L3MBTL4: variants seen among roughly 807,000 people sequenced by gnomAD.
L3MBTL4 encodes the protein L3MBTL histone methyl-lysine binding protein 4.
A neutral mutation model predicts 84.5 loss-of-function variants in L3MBTL4; 70 were observed. That is an observed-to-expected ratio of 0.83 (90% CI 0.68 to 1.01). The LOEUF (loss-of-function observed/expected upper bound fraction) is 1.01. Ranked by LOEUF, L3MBTL4 falls within the 50% of genes least tolerant of loss-of-function variation. L3MBTL4 has a pLI of 0.00. For missense variants in L3MBTL4, 715 were observed against 754.8 expected (o/e 0.95, Z 0.62); for synonymous variants, 274 against 259.8 (o/e 1.05, Z -0.52).
At chr18:6,035,619 C>G (rs2056092877) in intron 16 of L3MBTL4, among the ~76,000 whole-genome samples, 1 of 152,116 alleles carries the variant, frequency 6.6e-6, no homozygotes, top group Non-Finnish European at 1.5e-5. Flanking sequence ...TTAGGATTGA[C>G]TTGGTGATGC....
intron 4 of L3MBTL4, among the ~76,000 whole-genome samples, chr18:6,280,733 C>T (rs2049284988): frequency 6.6e-6 from 1 of 152,110 alleles, no homozygotes; most frequent in Non-Finnish European, 1.5e-5. Flanking sequence ...AGTGTAATCA[C>T]AGGAGTCCTC....
intron 17 of L3MBTL4, among the ~76,000 whole-genome samples, chr18:5,967,102 G>A (rs547544752): frequency 2.6e-5 from 4 of 152,106 alleles, no homozygotes; most frequent in Admixed American, 6.5e-5. Flanking sequence ...GTGACTTTCC[G>A]CATAAGAACC....
intron 16 of L3MBTL4, among the ~76,000 whole-genome samples, chr18:6,055,746 G>A (rs1033999743): frequency 3.9e-5 from 6 of 152,090 alleles, no homozygotes; most frequent in Non-Finnish European, 7.4e-5. Flanking sequence ...ACAGTGGTCC[G>A]GGGGAGGGGT....
intron 1 of L3MBTL4, among the ~76,000 whole-genome samples, chr18:6,372,250 T>C (rs1264189696): frequency 6.6e-6 from 1 of 152,212 alleles, no homozygotes; most frequent in Admixed American, 6.5e-5. Flanking sequence ...GCAAATACAC[T>C]GCATGCCCAG....
chr18:6,335,031 G>A (rs11663418), intron 1 of L3MBTL4, among the ~76,000 whole-genome samples: 32,802 of 152,036 alleles, frequency 0.22, 4,863 homozygotes, highest in African/African-American at 0.42. Flanking sequence ...TCTCTCCAAA[G>A]CTTGTCTTTC....
chr18:6,400,024 C>G (rs910899356), intron 1 of L3MBTL4, among the ~76,000 whole-genome samples: 8 of 152,020 alleles, frequency 5.3e-5, no homozygotes, highest in African/African-American at 1.9e-4. Flanking sequence ...CTGAAATCTA[C>G]ATTAATTTCT....
intron 1 of L3MBTL4, among the ~76,000 whole-genome samples, chr18:6,357,537 T>C (rs915166508): frequency 6.6e-6 from 1 of 152,206 alleles, no homozygotes; most frequent in Non-Finnish European, 1.5e-5. Flanking sequence ...AGATTCCTCT[T>C]GTTCTTAACA....
chr18:6,301,902 C>T lies in L3MBTL4; in HGVS notation c.127+1G>A. ...CCACTGTAAATATTGGTGATAATTA[C>T]CGTGACTCAAAGGGGTTGTGCTATC... is the stretch of plus-strand genomic sequence containing the variant. On this transcript the variant is annotated splice_donor_variant, in intron 4 of 18. Coordinates refer to ENST00000317931, the MANE Select transcript of L3MBTL4 (RefSeq NM_001330559.2). LOFTEE classifies it high-confidence loss of function. 6.2e-7 allele frequency: 1 copy of T among 1,610,462 alleles called. No homozygotes were observed. Among genetic ancestry groups the T allele is most frequent in the Non-Finnish European group, 8.5e-7 (1 of 1,176,666 alleles).
intron 17 of L3MBTL4, among the ~76,000 whole-genome samples, chr18:5,966,587 C>A (rs1474131182): frequency 6.6e-6 from 1 of 152,212 alleles, no homozygotes; most frequent in Non-Finnish European, 1.5e-5. Context: ...CCTCTGCCTG[C>A]AGCCTTTAAG....
chr18:6,109,904 C>A (rs2059135912), intron 14 of L3MBTL4, among the ~76,000 whole-genome samples: 1 of 151,148 alleles, frequency 6.6e-6, no homozygotes, highest in Non-Finnish European at 1.5e-5. Flanking sequence ...ACCCTCCAGG[C>A]ACTGAGTCAT....
chr18:6,257,645 C>CTTTTTTTTTT (rs770563046), intron 5 of L3MBTL4, among the ~76,000 whole-genome samples: 1 of 127,492 alleles, frequency 7.8e-6, no homozygotes, highest in Non-Finnish European at 1.7e-5. Flanking sequence ...TTTTCTTTTT[C>CTTTTTTTTTT]TTTTTTTTTT....
chr18:6,359,109 A>C (rs2053568213), intron 1 of L3MBTL4, among the ~76,000 whole-genome samples: 1 of 152,250 alleles, frequency 6.6e-6, no homozygotes, highest in Non-Finnish European at 1.5e-5. Flanking sequence ...AACTATTTAA[A>C]GGTATAAAAT....
At chr18:6,318,494 T>TA (rs71370550) in intron 1 of L3MBTL4, among the ~76,000 whole-genome samples, 156 of 14,172 alleles carry the variant, frequency 0.011, 11 homozygotes, top group Non-Finnish European at 0.017. Context: ...ACAACAATAG[T>TA]AAAAAAAAAA....
chr18:6,099,585 A>ATATATATATATATATATATATATATATAT (rs2058743796), intron 14 of L3MBTL4, among the ~76,000 whole-genome samples: 2 of 64,698 alleles, frequency 3.1e-5, no homozygotes, highest in Non-Finnish European at 4.1e-5. Context: ...AGATAATGTA[A>ATATATATATATATATATATATATATATAT]ATATATATAT....
At chr18:6,208,385 C>T (rs560878730) in intron 12 of L3MBTL4, among the ~76,000 whole-genome samples, 186 of 152,268 alleles carry the variant, frequency 1.2e-3, no homozygotes, top group South Asian at 8.1e-3. Flanking sequence ...TCATGATGCT[C>T]TAATTTCATT....
At chr18:6,095,450 A>T (rs1027363635) in intron 14 of L3MBTL4, among the ~76,000 whole-genome samples, 7 of 148,092 alleles carry the variant, frequency 4.7e-5, no homozygotes. Context: ...TCCCGGGTTC[A>T]CGCCATTCTC....
chr18:6,116,864 T>C (rs142550719), intron 14 of L3MBTL4, among the ~76,000 whole-genome samples: 52 of 152,348 alleles, frequency 3.4e-4, no homozygotes, highest in African/African-American at 1.2e-3. Flanking sequence ...AAAAGCCCCA[T>C]GTGCCTTCCA....
intron 16 of L3MBTL4, among the ~76,000 whole-genome samples, chr18:6,058,864 C>T (rs1420436965): frequency 6.6e-6 from 1 of 152,154 alleles, no homozygotes; most frequent in Admixed American, 6.5e-5. Context: ...TATCACCTTG[C>T]CTGGAATGGT....
At chr18:6,132,451 T>A (rs1015116513) in intron 14 of L3MBTL4, among the ~76,000 whole-genome samples, 11 of 152,126 alleles carry the variant, frequency 7.2e-5, no homozygotes, top group South Asian at 6.2e-4. Context: ...GCTGATAGAA[T>A]TCATCACCCC....
Sources: gnomAD v4.1 joint callset for allele counts (sites outside exome capture counted in the v4.1 genomes callset) on GRCh38, gnomAD v4.1.1 for gene constraint, MANE v1.5 for transcripts, NCBI Gene and HGNC (gene_info 2026-07-23, HGNC 2026-07-21) for gene names.